The following NKAIN3 variants were observed in gnomAD, a reference collection of about 807,000 sequenced individuals.
The protein encoded by NKAIN3 is sodium/potassium-transporting ATPase subunit beta-1-interacting protein 3.
Under a neutral mutation model 30.2 loss-of-function variants are expected in NKAIN3, and 25 were observed. The ratio of observed to expected loss-of-function variants is 0.83; its 90% confidence interval spans 0.60 to 1.16. The LOEUF (loss-of-function observed/expected upper bound fraction) is 1.16, where lower values mean the gene tolerates loss of function less well. Among genes scored for constraint, NKAIN3 ranks in the 50% most tolerant of loss-of-function variants. NKAIN3 has a pLI of 0.00. For missense variants in NKAIN3, 225 were observed against 254.1 expected (o/e 0.89, Z 0.78); for synonymous variants, 91 against 89.6 (o/e 1.02, Z -0.09).
At chr8:62,533,381 G>A (rs918551387) in intron 1 of NKAIN3, among the ~76,000 whole-genome samples, 29 of 152,228 alleles carry the variant, frequency 1.9e-4, no homozygotes, top group African/African-American at 6.5e-4. Context: ...GTAGAACATA[G>A]ATTGAGGCTC....
chr8:62,657,194 T>C (rs1812786876), intron 3 of NKAIN3, among the ~76,000 whole-genome samples: 1 of 152,232 alleles, frequency 6.6e-6, no homozygotes, highest in South Asian at 2.1e-4. Context: ...AAATTTGCCA[T>C]CATTTATCAA....
chr8:62,318,941 C>T lies in NKAIN3; in HGVS notation c.54+69814C>T, dbSNP rs561154990. On this transcript the variant is annotated intron_variant, in intron 1 of 6. Coordinates refer to ENST00000623646, the MANE Select transcript of NKAIN3 (RefSeq NM_001304533.3). ...TCCTCCTTGTACCTCTGGTAGAATTCGGCTGTGAATCCATCTGGTCCTGGA... is the reference window on the plus strand; with the variant it reads ...TCCTCCTTGTACCTCTGGTAGAATTTGGCTGTGAATCCATCTGGTCCTGGA... Among the ~76,000 whole-genome samples, 298 of 152,136 alleles carry T rather than the reference C, an allele frequency of 2.0e-3. 1 individual carries two copies. Among genetic ancestry groups the T allele is most frequent in the Non-Finnish European group, 3.8e-3 (259 of 67,988 alleles).
intron 5 of NKAIN3, among the ~76,000 whole-genome samples, chr8:62,929,802 C>A (rs765409983): frequency 9.9e-5 from 15 of 152,006 alleles, no homozygotes; most frequent in Non-Finnish European, 1.9e-4. Context: ...TAAATGTGGC[C>A]CAACACAAAT....
intron 1 of NKAIN3, among the ~76,000 whole-genome samples, chr8:62,327,699 A>C (rs1043629473): frequency 2.6e-5 from 4 of 152,032 alleles, no homozygotes; most frequent in Non-Finnish European, 5.9e-5. Flanking sequence ...GCTTTGTAGT[A>C]AGTTTTGAAA....
chr8:62,856,731 T>C, intron 4 of NKAIN3: 1 of 697,698 alleles, frequency 1.4e-6, no homozygotes. Context: ...CCCCTTAAAC[T>C]GGTCAAGCTC....
intron 4 of NKAIN3, among the ~76,000 whole-genome samples, chr8:62,904,093 A>T (rs1821699250): frequency 6.6e-6 from 1 of 152,188 alleles, no homozygotes; most frequent in South Asian, 2.1e-4. Context: ...TGGACTTGAA[A>T]GTTTCCCAAA....
At chr8:62,283,123 A>G (rs528041798) in intron 1 of NKAIN3, among the ~76,000 whole-genome samples, 1 of 152,314 alleles carries the variant, frequency 6.6e-6, no homozygotes, top group South Asian at 2.1e-4. Flanking sequence ...AGTCTCTCTA[A>G]CACTGATTAT....
chr8:62,791,354 C>A (rs1319029525), intron 4 of NKAIN3, among the ~76,000 whole-genome samples: 1 of 152,094 alleles, frequency 6.6e-6, no homozygotes, highest in African/African-American at 2.4e-5. Context: ...CTGTCCAGAG[C>A]AAACTATGTG....
At chr8:62,386,442 A>G (rs2129594270) in intron 1 of NKAIN3, among the ~76,000 whole-genome samples, 1 of 152,324 alleles carries the variant, frequency 6.6e-6, no homozygotes, top group South Asian at 2.1e-4. Context: ...ATTACACAGA[A>G]CGTGAAGAAC....
intron 5 of NKAIN3, among the ~76,000 whole-genome samples, chr8:62,932,780 C>T (rs1822659439): frequency 6.6e-6 from 1 of 151,994 alleles, no homozygotes; most frequent in South Asian, 2.1e-4. Context: ...TCTCTGTCAC[C>T]AATGCTGGAG....
intron 1 of NKAIN3, among the ~76,000 whole-genome samples, chr8:62,274,988 T>G (rs1157267674): frequency 6.6e-6 from 1 of 152,160 alleles, no homozygotes; most frequent in African/African-American, 2.4e-5. Flanking sequence ...CTTAATCCAG[T>G]CTATCATTGT....
chr8:62,664,031 C>T (rs1032326256), intron 3 of NKAIN3, among the ~76,000 whole-genome samples: 14 of 151,974 alleles, frequency 9.2e-5, no homozygotes, highest in Non-Finnish European at 1.9e-4. Context: ...TGGGCCCTAC[C>T]CTGAATACCC....
At chr8:62,948,052 C>T (rs1184180055) in intron 5 of NKAIN3, among the ~76,000 whole-genome samples, 1 of 152,062 alleles carries the variant, frequency 6.6e-6, no homozygotes, top group African/African-American at 2.4e-5. Context: ...GAGCAACTGC[C>T]GCTTAGAGGT....
chr8:62,344,154 C>T (rs1462065791), intron 1 of NKAIN3, among the ~76,000 whole-genome samples: 1 of 151,910 alleles, frequency 6.6e-6, no homozygotes. Context: ...AGTGCTGGAG[C>T]TGGACTTTGA....
At chr8:62,912,292 G>A (rs763205479) in intron 4 of NKAIN3, among the ~76,000 whole-genome samples, 39 of 152,154 alleles carry the variant, frequency 2.6e-4, no homozygotes, top group African/African-American at 8.7e-4. Context: ...AGTTGCTCTC[G>A]GTAAGTTGGT....
At chr8:62,674,900 T>A (rs1440632500) in intron 3 of NKAIN3, among the ~76,000 whole-genome samples, 1 of 152,134 alleles carries the variant, frequency 6.6e-6, no homozygotes, top group Non-Finnish European at 1.5e-5. Flanking sequence ...ATAATTAAAG[T>A]GGGGGACAGG....
intron 1 of NKAIN3, among the ~76,000 whole-genome samples, chr8:62,375,899 T>C (rs1313448921): frequency 6.6e-6 from 1 of 152,216 alleles, no homozygotes; most frequent in Non-Finnish European, 1.5e-5. Flanking sequence ...AGTTTCAACA[T>C]GTTCTTACCT....
intron 1 of NKAIN3, among the ~76,000 whole-genome samples, chr8:62,332,990 ACT>A (rs1815405341): frequency 6.6e-6 from 1 of 152,052 alleles, no homozygotes; most frequent in Non-Finnish European, 1.5e-5. Flanking sequence ...ACACAATGAG[ACT>A]CTGTGTCAAA....
At chr8:62,515,787 C>G (rs1385413150) in intron 1 of NKAIN3, among the ~76,000 whole-genome samples, 1 of 152,022 alleles carries the variant, frequency 6.6e-6, no homozygotes, top group Non-Finnish European at 1.5e-5. Flanking sequence ...GAAGAAAACC[C>G]TTGTTTTAAC....
Sources: gnomAD v4.1 joint callset for allele counts (sites outside exome capture counted in the v4.1 genomes callset) on GRCh38, gnomAD v4.1.1 for gene constraint, MANE v1.5 for transcripts, NCBI Gene and HGNC (gene_info 2026-07-23, HGNC 2026-07-21) for gene names.